Variants in XKRX observed in about 807,000 individuals in gnomAD.
XKRX encodes the protein XK-related protein 2.
XKRX carries 11 observed loss-of-function variants against 22.4 expected under a neutral mutation model. The observed-to-expected ratio is 0.49, with a 90% CI of 0.31 to 0.81. The LOEUF is 0.81. XKRX is among the 40% of genes least tolerant of loss of function. The pLI is 0.05. For missense variants in XKRX, 320 were observed against 336.5 expected (o/e 0.95, Z 0.38); for synonymous variants, 114 against 132.2 (o/e 0.86, Z 0.94).
At chrX:100,953,928 AC>A in the XKRX span, among the ~76,000 whole-genome samples, 2 of 90,030 alleles carry the variant, frequency 2.2e-5, no homozygotes, top group Non-Finnish European at 2.3e-5. Context: ...AAAAAAAAAA[AC>A]CTCTTAAAAT....
At chrX:100,890,605 T>A in the XKRX span, among the ~76,000 whole-genome samples, 1 of 110,375 alleles carries the variant, frequency 9.1e-6, no homozygotes, top group South Asian at 3.9e-4. Flanking sequence ...GAAAATCTTC[T>A]ATTACGTGAT....
chrX:100,917,817 T>C (rs1405747703), intron 2 of XKRX, among the ~76,000 whole-genome samples: 1 of 107,348 alleles, frequency 9.3e-6, no homozygotes, highest in Non-Finnish European at 1.9e-5. Flanking sequence ...GAGTTGCTTA[T>C]ATTTGTCATC....
At chrX:100,951,232 C>T in the XKRX span, among the ~76,000 whole-genome samples, 2 of 63,594 alleles carry the variant, frequency 3.1e-5, no homozygotes, top group East Asian at 4.1e-4. Context: ...GAGGCTCCAT[C>T]GCAAAAAAAA....
At chrX:100,927,751 GTTCA>G (rs1490817050) in intron 1 of XKRX, among the ~76,000 whole-genome samples, 1 of 112,008 alleles carries the variant, frequency 8.9e-6, no homozygotes, top group Non-Finnish European at 1.9e-5. Context: ...AAATAGCATC[GTTCA>G]TTGTTTTGGA....
intron 2 of XKRX, among the ~76,000 whole-genome samples, chrX:100,916,236 AAT>A: frequency 9.0e-6 from 1 of 111,549 alleles, no homozygotes; most frequent in East Asian, 2.8e-4. Context: ...AATAAAACAA[AAT>A]AGATGCACAA....
At position 100,928,309 on chromosome X, in the gene XKRX, G is replaced by C. The variant is rs762619003; in HGVS notation, c.-5C>G. On this transcript the variant is annotated 5_prime_UTR_variant, in exon 1 of 3. Coordinates refer to ENST00000372956, the MANE Select transcript of XKRX (RefSeq NM_212559.3). Reference sequence around the variant, plus strand: ...AATTTCATAAACTCTGTCCATTGTCGAGGTTCTTTCTGAATGTTGTGGTCT... The same window carrying C: ...AATTTCATAAACTCTGTCCATTGTCCAGGTTCTTTCTGAATGTTGTGGTCT... 7 of 1,204,725 alleles carry C rather than the reference G, an allele frequency of 5.8e-6. No individual in the cohort carries two copies. Among genetic ancestry groups the C allele is most frequent in the Admixed American group, 4.4e-5 (2 of 45,277 alleles).
chrX:100,915,844 T>C (rs1043793732), intron 2 of XKRX, among the ~76,000 whole-genome samples: 1 of 110,257 alleles, frequency 9.1e-6, no homozygotes, highest in African/African-American at 3.3e-5. Context: ...AAATACTGCA[T>C]TGTCTTACTT....
chrX:100,899,507 C>G, the XKRX span, among the ~76,000 whole-genome samples: 1 of 111,889 alleles, frequency 8.9e-6, no homozygotes, highest in Non-Finnish European at 1.9e-5. Context: ...AGAGTGGGAC[C>G]CTGTCTCAAA....
At chrX:100,927,608 T>C (rs1004998905) in intron 1 of XKRX, among the ~76,000 whole-genome samples, 1 of 111,347 alleles carries the variant, frequency 9.0e-6, no homozygotes, top group Admixed American at 9.5e-5. Flanking sequence ...CACTGCACTG[T>C]AGCCTGGGAG....
At chrX:100,891,802 A>AGAAAGAGT in the XKRX span, among the ~76,000 whole-genome samples, 4 of 108,975 alleles carry the variant, frequency 3.7e-5, no homozygotes, top group Non-Finnish European at 5.7e-5. Context: ...AAAGAAAGTA[A>AGAAAGAGT]GTTAAAAAAA....
the XKRX span, among the ~76,000 whole-genome samples, chrX:100,899,765 A>C: frequency 8.9e-6 from 1 of 112,251 alleles, no homozygotes; most frequent in Non-Finnish European, 1.9e-5. Flanking sequence ...ATAGCATAAA[A>C]AATAATACAT....
At chrX:100,922,330 T>C (rs1193546311) in intron 2 of XKRX, among the ~76,000 whole-genome samples, 3 of 112,363 alleles carry the variant, frequency 2.7e-5, no homozygotes, top group Non-Finnish European at 5.6e-5. Flanking sequence ...GAACCTCTTA[T>C]TAAAGACTGC....
chrX:100,895,313 T>G, the XKRX span, among the ~76,000 whole-genome samples: 2 of 112,543 alleles, frequency 1.8e-5, no homozygotes, highest in Non-Finnish European at 1.9e-5. Flanking sequence ...AATTATGACA[T>G]ATTATTAATG....
intron 1 of XKRX, 34 bp downstream of exon 1, chrX:100,927,936 A>AG (rs1327457256): frequency 1.7e-6 from 2 of 1,159,569 alleles, no homozygotes; most frequent in East Asian, 6.0e-5. Context: ...GGGTGGGGTT[A>AG]GGGGGGTAAG....
chrX:100,957,440 G>A, the XKRX span: 1 of 1,193,643 alleles, frequency 8.4e-7, no homozygotes, highest in Non-Finnish European at 1.1e-6. Context: ...CCATAAATGA[G>A]GCCTCTCGCT....
the XKRX span, among the ~76,000 whole-genome samples, chrX:100,893,989 C>T: frequency 8.9e-6 from 1 of 112,475 alleles, no homozygotes; most frequent in East Asian, 2.8e-4. Flanking sequence ...AAAAAGTAGG[C>T]CGGGTGCGGT....
At chrX:100,887,333 GACTATT>G in the XKRX span, among the ~76,000 whole-genome samples, 1 of 110,621 alleles carries the variant, frequency 9.0e-6, no homozygotes, top group Non-Finnish European at 1.9e-5. Context: ...GTCACGATCA[GACTATT>G]ACATTTAGCA....
At chrX:100,935,340 A>T in the XKRX span, among the ~76,000 whole-genome samples, 1 of 110,549 alleles carries the variant, frequency 9.0e-6, no homozygotes, top group African/African-American at 3.3e-5. Context: ...CAATCCAAGG[A>T]TCCATCCCTT....
chrX:100,901,525 C>T, the XKRX span, among the ~76,000 whole-genome samples: 5 of 111,890 alleles, frequency 4.5e-5, no homozygotes, highest in South Asian at 1.9e-3. Context: ...GAAAAATCCA[C>T]AAGTGAGAGA....
Sources: gnomAD v4.1 joint callset for allele counts (sites outside exome capture counted in the v4.1 genomes callset) on GRCh38, gnomAD v4.1.1 for gene constraint, MANE v1.5 for transcripts, NCBI Gene and HGNC (gene_info 2026-07-23, HGNC 2026-07-21) for gene names.